Variants in MCF2L observed in about 807,000 individuals in gnomAD.
The protein encoded by MCF2L is MCF.2 cell line derived transforming sequence like, also known as guanine nucleotide exchange factor DBS.
A neutral mutation model predicts 153.4 loss-of-function variants in MCF2L; 97 were observed. The ratio of observed to expected loss-of-function variants is 0.63; its 90% CI spans 0.54 to 0.75. The LOEUF is 0.75. Ranked by LOEUF, MCF2L falls within the 30% of genes least tolerant of loss-of-function variation. MCF2L has a pLI of 0.00. For synonymous variants in MCF2L, 659 were observed against 632.2 expected, an observed-to-expected ratio of 1.04 and a Z score of -0.64; for missense variants, 1,347 against 1,495.2, an observed-to-expected ratio of 0.90 and a Z score of 1.64.
At chr13:113,078,284 GC>G (rs2033720027) in intron 13 of MCF2L, 78 bp from the exon 14 acceptor site, 1 of 1,174,542 alleles carries the variant, frequency 8.5e-7, no homozygotes, top group Admixed American at 1.8e-5. Context: ...TCTCCTCGGG[GC>G]CTTTTCCCGC....
At chr13:112,939,775 C>T (rs989705053) in intron 2 of MCF2L, among the ~76,000 whole-genome samples, 2 of 151,952 alleles carry the variant, frequency 1.3e-5, no homozygotes, top group East Asian at 3.9e-4. Context: ...GTCAGGAGTT[C>T]GAGACCAGCC....
intron 22 of MCF2L, 39 bp downstream of exon 22, chr13:113,087,495 A>G (rs1033648530): frequency 6.7e-7 from 1 of 1,495,602 alleles, no homozygotes. Context: ...GCTCCTGGCC[A>G]CAGACCCCGA....
In MCF2L at chr13:113,085,577, C is replaced by A. The variant is rs181770899; in HGVS notation, c.2247+399C>A. Among the ~76,000 whole-genome samples, 40 of 152,294 alleles carry A rather than the reference C, an allele frequency of 2.6e-4. No individual in the cohort carries two copies. The East Asian group carries it at 7.2e-3, about 27-fold the overall frequency. ...ACCTTCAGGCAGGAAACTGCAACTCCATGCCTTTGGCCAGGGTTAGGGTGG... is the reference window on the plus strand; with the variant it reads ...ACCTTCAGGCAGGAAACTGCAACTCAATGCCTTTGGCCAGGGTTAGGGTGG... On this transcript the variant is annotated intron_variant, in intron 20 of 29. Coordinates refer to ENST00000535094, the MANE Select transcript of MCF2L (RefSeq NM_001112732.3).
In MCF2L at chr13:112,916,512, C is replaced by T. The variant is rs146905868; in HGVS notation, c.169+14141C>T. 2.3e-3 allele frequency among the ~76,000 whole-genome samples: 355 copies of T among 152,306 alleles called. 3 individuals are homozygous for T. Among genetic ancestry groups the T allele is most frequent in the African/African-American group, 8.2e-3 (342 of 41,564 alleles). On this transcript the variant is annotated intron_variant, in intron 2 of 29. Coordinates refer to the MCF2L transcript ENST00000375608. ...TCGCGTGCCTCACCTGTGAGGTCCT[C>T]TCCCTTCTCACCCAGCGTCACGCCC...
rs574485712 is a variant in MCF2L at position 112,993,225 on chromosome 13, G to A, written c.80-21538G>A. Reference sequence around the variant, plus strand: ...GATGGAGACACGATGGCACAGCCCCGGTGAAGCCACGTGATGTCTTCGTGT... The same window carrying A: ...GATGGAGACACGATGGCACAGCCCCAGTGAAGCCACGTGATGTCTTCGTGT... On this transcript the variant is annotated intron_variant, in intron 1 of 29. Coordinates refer to ENST00000535094, the MANE Select transcript of MCF2L (RefSeq NM_001112732.3). The surrounding 1 kb of genome is among the most constrained non-coding windows in gnomAD (Gnocchi z 4.6). Among the ~76,000 whole-genome samples the A allele has an allele frequency of 3.3e-5, 5 of 152,350 alleles. No homozygotes were observed. The highest frequency in any genetic ancestry group is 2.1e-4 in the South Asian group (1 of 4,828).
At chr13:113,080,379 G>A (rs1317843633) in intron 15 of MCF2L, among the ~76,000 whole-genome samples, 6 of 152,140 alleles carry the variant, frequency 3.9e-5, no homozygotes, top group Non-Finnish European at 1.5e-5. Flanking sequence ...AGTGGCCCTC[G>A]GCTGGCAGTT....
intron 1 of MCF2L, chr13:112,985,484 G>A (rs1428813941): frequency 2.1e-6 from 1 of 470,806 alleles, no homozygotes; most frequent in African/African-American, 2.0e-5. Flanking sequence ...CTGAGGGTGA[G>A]TCTCCTCGTC....
intron 4 of MCF2L, among the ~76,000 whole-genome samples, chr13:113,058,481 G>A (rs2030697272): frequency 1.3e-5 from 2 of 151,260 alleles, no homozygotes; most frequent in African/African-American, 4.9e-5. Context: ...CTTAGGTGCT[G>A]TGTGTTTGGG....
At chr13:112,925,824 G>A (rs553232281) in intron 2 of MCF2L, among the ~76,000 whole-genome samples, 1 of 152,236 alleles carries the variant, frequency 6.6e-6, no homozygotes, top group South Asian at 2.1e-4. Context: ...ACACAAGAAA[G>A]CATTGCGTTG....
intron 2 of MCF2L, among the ~76,000 whole-genome samples, chr13:112,914,608 T>TG (rs1180434281): frequency 6.6e-6 from 1 of 152,226 alleles, no homozygotes; most frequent in African/African-American, 2.4e-5. Flanking sequence ...CAGAGGTGTC[T>TG]GATGGGAGAG....
At chr13:113,095,703 G>A in intron 27 of MCF2L, 3 of 992,550 alleles carry the variant, frequency 3.0e-6, no homozygotes. Flanking sequence ...CCTGCTCCAG[G>A]CCCTGCAGCC....
intron 2 of MCF2L, among the ~76,000 whole-genome samples, chr13:112,935,865 G>C (rs904500534): frequency 2.6e-5 from 4 of 152,162 alleles, no homozygotes; most frequent in African/African-American, 9.7e-5. Context: ...AAAAGGCCGT[G>C]TGATGATGGA....
intron 2 of MCF2L, among the ~76,000 whole-genome samples, chr13:112,937,607 G>A (rs962648769): frequency 1.3e-5 from 2 of 152,176 alleles, no homozygotes; most frequent in African/African-American, 4.8e-5. Flanking sequence ...TATAGTGATG[G>A]GTCCTGCCCA....
rs1211544287 is a variant in MCF2L, at chr13:113,070,857, C to T, written c.996+684C>T. ...TGTTGAAGGGTATCTGGGTTGTTTCCGGATTTGAGTATTACAGATAAAGCT... is the reference window on the plus strand; with the variant it reads ...TGTTGAAGGGTATCTGGGTTGTTTCTGGATTTGAGTATTACAGATAAAGCT... On this transcript the variant is annotated intron_variant, in intron 9 of 29. Coordinates refer to ENST00000535094, the MANE Select transcript of MCF2L (RefSeq NM_001112732.3). The surrounding 1 kb of genome is among the most constrained non-coding windows in gnomAD (Gnocchi z 5.6). Among the ~76,000 whole-genome samples, 7 of 152,108 alleles carry T rather than the reference C, an allele frequency of 4.6e-5. No homozygotes were observed. The highest frequency in any genetic ancestry group is 2.6e-4 in the Admixed American group (4 of 15,266).
chr13:112,968,145 G>GC (rs1555355464), upstream of MCF2L, among the ~76,000 whole-genome samples: 3 of 148,718 alleles, frequency 2.0e-5, 1 homozygote, highest in Admixed American at 1.3e-4. Context: ...AGTGAGGTGG[G>GC]GGGGGGGGTC....
chr13:112,905,026 C>A (rs889459726), intron 2 of MCF2L, among the ~76,000 whole-genome samples: 9 of 152,350 alleles, frequency 5.9e-5, no homozygotes, highest in Admixed American at 2.6e-4. Context: ...CAGTGTCCAT[C>A]TTCAGAACTT....
chr13:112,986,263 G>A (rs767201896), intron 1 of MCF2L, among the ~76,000 whole-genome samples: 13 of 152,272 alleles, frequency 8.5e-5, no homozygotes, highest in Non-Finnish European at 1.5e-4. Flanking sequence ...GGGGCCCAGA[G>A]TGCTGAGTCC....
intron 2 of MCF2L, among the ~76,000 whole-genome samples, chr13:112,934,378 C>T (rs1209820018): frequency 6.6e-6 from 1 of 152,212 alleles, no homozygotes; most frequent in Admixed American, 6.5e-5. Flanking sequence ...GTGCCTGTCA[C>T]GGGATTGCCA....
At position 113,089,747 on chromosome 13, in the gene MCF2L, C is replaced by T. The variant is rs201409948; in HGVS notation, c.2953+19C>T. On this transcript the variant is annotated intron_variant, in intron 26 of 29. Transcript: ENST00000535094. ...GGCAAAGGTGGGTATGTGCAGGGAC[C>T]GGGCCTCACACGGAGGCCTCACACG... 2.2e-4 allele frequency: 356 copies of T among 1,605,586 alleles called. 2 individuals are homozygous for T. The highest frequency in any genetic ancestry group is 2.2e-4 in the Non-Finnish European group (261 of 1,173,188).
Sources: gnomAD v4.1 joint callset for allele counts (sites outside exome capture counted in the v4.1 genomes callset) on GRCh38, gnomAD v4.1.1 for gene constraint, Gnocchi (gnomAD v3.1) non-coding constraint, MANE v1.5 for transcripts, NCBI Gene and HGNC (gene_info 2026-07-23, HGNC 2026-07-21) for gene names.